Variants in PSEN2 observed in about 807,000 individuals in gnomAD.
PSEN2 encodes the protein presenilin 2, also known as presenilin-2.
Under a neutral mutation model 49.1 loss-of-function variants are expected in PSEN2, and 32 were observed. That is an observed-to-expected ratio of 0.65 (90% confidence interval 0.49 to 0.88). The LOEUF is 0.88. PSEN2 is among the 40% of genes least tolerant of loss of function. The probability of loss-of-function intolerance (pLI) is 0.00; values close to 1 mark genes in which losing one functional copy is unlikely to be tolerated. For missense variants in PSEN2, 522 were observed against 586.9 expected (o/e 0.89, Z 1.14); for synonymous variants, 255 against 244.0 (o/e 1.05, Z -0.42).
rs1661731340 is a variant in PSEN2, at chr1:226,891,354, G to A, written c.963G>A (p.Pro321=). ...GTGCCCTCCAGCTCCCCTACGACCC[G>A]GAGATGGGTGAGTATCTTGGGGAGC... ...SQGALQLPYD[P]EMEEDSYDSF... is the part of the protein sequence containing the mutation. Residue 321 remains proline (P), a synonymous_variant, in exon 10 of 13, where the codon CCG becomes CCA. Transcript: ENST00000366783. The A allele has an allele frequency of 5.6e-6, 9 of 1,611,978 alleles. No homozygotes were observed. The highest frequency in any genetic ancestry group is 4.5e-5 in the East Asian group (2 of 44,840).
At chr1:226,901,296 C>A (rs191883451), downstream of PSEN2, among the ~76,000 whole-genome samples, 1 of 151,960 alleles carries the variant, frequency 6.6e-6, no homozygotes. Flanking sequence ...ATTAGCTGGG[C>A]GTGGTGGCGG....
At chr1:226,896,833 A>G (rs150527995), downstream of PSEN2, among the ~76,000 whole-genome samples, 3 of 152,208 alleles carry the variant, frequency 2.0e-5, no homozygotes, top group African/African-American at 7.2e-5. Flanking sequence ...TGTTAGGTAT[A>G]TCAGACAGCT....
At chr1:226,887,735 C>A (rs1208089508) in intron 6 of PSEN2, among the ~76,000 whole-genome samples, 1 of 152,184 alleles carries the variant, frequency 6.6e-6, no homozygotes, top group Non-Finnish European at 1.5e-5. Context: ...AACACAATGC[C>A]CGTGGGCAGA....
At chr1:226,880,518 T>C (rs1397989201) in intron 3 of PSEN2, 5 of 1,466,664 alleles carry the variant, frequency 3.4e-6, no homozygotes, top group Non-Finnish European at 4.5e-6. Flanking sequence ...ACTCAGCCTC[T>C]GGACAGCGAT....
intron 7 of PSEN2, among the ~76,000 whole-genome samples, 200 bp from the exon 8 acceptor site, chr1:226,888,628 GC>G (rs1437233916): frequency 1.3e-5 from 2 of 152,196 alleles, no homozygotes; most frequent in African/African-American, 4.8e-5. Context: ...TCCAGGTCAT[GC>G]CCATGCACAT....
intron 6 of PSEN2, among the ~76,000 whole-genome samples, chr1:226,886,197 A>G (rs1317391941): frequency 1.3e-5 from 2 of 152,132 alleles, no homozygotes; most frequent in Non-Finnish European, 2.9e-5. Flanking sequence ...ACATTATCCC[A>G]CTTGAGTTCC....
chr1:226,902,874 A>G (rs1424997898), intron 12 of PSEN2, among the ~76,000 whole-genome samples: 2 of 151,938 alleles, frequency 1.3e-5, no homozygotes, highest in Non-Finnish European at 2.9e-5. Context: ...ACCCAGAGCC[A>G]CCCTCCTCTG....
At chr1:226,900,358 AC>A (rs1318772441), downstream of PSEN2, among the ~76,000 whole-genome samples, 1 of 151,662 alleles carries the variant, frequency 6.6e-6, no homozygotes, top group Admixed American at 6.6e-5. Context: ...ATCCATGTGC[AC>A]CCCCCTGCCC....
At chr1:226,891,398 G>C (rs1457213702) in intron 10 of PSEN2, 37 bp downstream of exon 10, 3 of 1,558,096 alleles carry the variant, frequency 1.9e-6, no homozygotes. Flanking sequence ...TCTCATCACT[G>C]GGGGGCAGCT....
chr1:226,881,776 TG>T, intron 3 of PSEN2, 111 bp from the exon 4 acceptor site: 1 of 1,185,082 alleles, frequency 8.4e-7, no homozygotes, highest in East Asian at 2.3e-5. Flanking sequence ...TGGAAGCTTT[TG>T]GGGCAGGACT....
intron 5 of PSEN2, 41 bp downstream of exon 5, chr1:226,883,960 T>TG: frequency 2.9e-6 from 1 of 340,206 alleles, no homozygotes; most frequent in Non-Finnish European, 4.0e-6. Flanking sequence ...GGGTGAGGGC[T>TG]GAGTTGCCAG....
Position 226,895,771 on chromosome 1 carries a change from C to T in PSEN2, c.*192C>T. On this transcript the variant is annotated 3_prime_UTR_variant, in exon 13 of 13. Coordinates refer to ENST00000366783, the MANE Select transcript of PSEN2 (RefSeq NM_000447.3). Reference sequence around the variant, plus strand: ...TGTTTCATCACCAGACTTTGGCTCCCGCTTTGGGGAGCGCCTCGCTTCACG... The same window carrying T: ...TGTTTCATCACCAGACTTTGGCTCCTGCTTTGGGGAGCGCCTCGCTTCACG... 9 of 679,100 alleles carry T rather than the reference C, an allele frequency of 1.3e-5. No homozygotes were observed. The highest frequency in any genetic ancestry group is 9.6e-5 in the South Asian group (5 of 52,066). 42.1% of individuals were successfully genotyped at this position (679,100 alleles called of 1,614,324 possible).
chr1:226,892,540 C>G (rs1055198854), intron 11 of PSEN2, among the ~76,000 whole-genome samples: 1 of 152,222 alleles, frequency 6.6e-6, no homozygotes, highest in Admixed American at 6.5e-5. Flanking sequence ...GTAACAGCCC[C>G]TGCCTTGAGA....
At chr1:226,887,743 A>G (rs1483326137) in intron 6 of PSEN2, among the ~76,000 whole-genome samples, 1 of 152,224 alleles carries the variant, frequency 6.6e-6, no homozygotes, top group Non-Finnish European at 1.5e-5. Flanking sequence ...GCCCGTGGGC[A>G]GAGACTTTGC....
chr1:226,880,440 C>A, intron 3 of PSEN2: 1 of 1,292,640 alleles, frequency 7.7e-7, no homozygotes, highest in Non-Finnish European at 1.0e-6. Flanking sequence ...GAACTTTCAG[C>A]AGAGCGCACA....
At position 226,880,861 on chromosome 1, in the gene PSEN2, C is replaced by A; in HGVS notation, c.-20-1027C>A. 2.8e-6 allele frequency: 4 copies of A among 1,431,874 alleles called. 1 individual carries two copies. In the South Asian group the frequency reaches 3.9e-5, roughly 14 times the overall value. 88.7% of individuals were successfully genotyped at this position (1,431,874 alleles called of 1,614,324 possible). A position where few individuals can be genotyped will look rare whatever the true frequency, so the allele number is the denominator to read the frequency against. On this transcript the variant is annotated intron_variant, in intron 3 of 12. Coordinates refer to ENST00000366783, the MANE Select transcript of PSEN2 (RefSeq NM_000447.3). The stretch of plus-strand genomic sequence containing the variant: ...CTCAGTGGCACTTCCCCACCTCACA[C>A]GTCTGCTCTCATGGCTTAGGTCTCC...
chr1:226,877,074 G>C (rs1017883705), intron 3 of PSEN2, among the ~76,000 whole-genome samples: 1 of 152,168 alleles, frequency 6.6e-6, no homozygotes, highest in Admixed American at 6.5e-5. Flanking sequence ...ATCAAGTAGT[G>C]CCAAGCAGTG....
chr1:226,888,340 A>ACC (rs964062533), intron 7 of PSEN2, among the ~76,000 whole-genome samples, 182 bp downstream of exon 7: 1 of 152,080 alleles, frequency 6.6e-6, no homozygotes, highest in African/African-American at 2.4e-5. Flanking sequence ...AGGGGAGTGG[A>ACC]AGTGGGGCTG....
At chr1:226,881,016 G>A (rs1472916991) in intron 3 of PSEN2, among the ~76,000 whole-genome samples, 1 of 152,144 alleles carries the variant, frequency 6.6e-6, no homozygotes, top group Non-Finnish European at 1.5e-5. Context: ...CCCTGTCTTA[G>A]TCCCCACCTG....
Sources: gnomAD v4.1 joint callset for allele counts (sites outside exome capture counted in the v4.1 genomes callset) on GRCh38, gnomAD v4.1.1 for gene constraint, MANE v1.5 for transcripts, NCBI Gene and HGNC (gene_info 2026-07-23, HGNC 2026-07-21) for gene names.